The following GPHN variants were observed in gnomAD, a reference collection of about 807,000 sequenced individuals.
GPHN encodes the protein gephyrin.
Under a neutral mutation model 95.5 loss-of-function variants are expected in GPHN, and 17 were observed. That is an observed-to-expected ratio of 0.18 (90% CI 0.12 to 0.27). The LOEUF (loss-of-function observed/expected upper bound fraction) is 0.27, where lower values mean the gene tolerates loss of function less well. Among genes scored for constraint, GPHN ranks in the 10% least tolerant of loss-of-function variants. The probability of loss-of-function intolerance (pLI) is 1.00; values close to 1 mark genes in which losing one functional copy is unlikely to be tolerated. For missense variants in GPHN, 660 were observed against 978.1 expected, an observed-to-expected ratio of 0.67 and a Z score of 4.34; for synonymous variants, 320 against 322.5, an observed-to-expected ratio of 0.99 and a Z score of 0.08.
the GPHN span, among the ~76,000 whole-genome samples, chr14:67,731,213 T>A: frequency 1.4e-5 from 2 of 139,414 alleles, no homozygotes; most frequent in Admixed American, 7.1e-5. Flanking sequence ...CTTTCTTTTT[T>A]TTTTTTTTTT....
At chr14:67,280,137 T>G in the GPHN span, among the ~76,000 whole-genome samples, 1 of 152,212 alleles carries the variant, frequency 6.6e-6, no homozygotes, top group East Asian at 1.9e-4. Flanking sequence ...CTGGGCTAAA[T>G]AAGTTAAATA....
chr14:67,018,660 G>C (rs1219288508), intron 9 of GPHN, among the ~76,000 whole-genome samples: 4 of 152,078 alleles, frequency 2.6e-5, no homozygotes, highest in African/African-American at 9.7e-5. Context: ...ACCTCTCTTT[G>C]GGTTAGAAAC....
intron 2 of GPHN, among the ~76,000 whole-genome samples, chr14:66,772,138 C>A (rs55901843): frequency 0.3 from 45,930 of 151,590 alleles, 11,403 homozygotes; most frequent in African/African-American, 0.66. Flanking sequence ...GACAGATAAC[C>A]CTGTGTTGAC....
chr14:66,526,159 C>T (rs145141021), intron 1 of GPHN, among the ~76,000 whole-genome samples: 2 of 152,158 alleles, frequency 1.3e-5, no homozygotes, highest in East Asian at 1.9e-4. Flanking sequence ...CTCTTATTTC[C>T]TTGAGCAGTG....
chr14:67,344,919 T>C, the GPHN span, among the ~76,000 whole-genome samples: 4 of 146,234 alleles, frequency 2.7e-5, no homozygotes, highest in East Asian at 8.4e-4. Flanking sequence ...AAAACAAGAG[T>C]GTACCATAGC....
the GPHN span, among the ~76,000 whole-genome samples, chr14:67,669,304 CT>C: frequency 6.8e-6 from 1 of 146,726 alleles, no homozygotes; most frequent in African/African-American, 2.5e-5. Context: ...GAGTCTTGCT[CT>C]GTCACCCAGG....
At chr14:66,746,597 C>A (rs545147701) in intron 2 of GPHN, among the ~76,000 whole-genome samples, 1 of 150,368 alleles carries the variant, frequency 6.7e-6, no homozygotes, top group Admixed American at 6.6e-5. Context: ...AGTAAAAGTT[C>A]AAAACAACTT....
chr14:67,185,495 A>G (rs566761001), downstream of GPHN, among the ~76,000 whole-genome samples: 17 of 152,362 alleles, frequency 1.1e-4, no homozygotes, highest in South Asian at 8.3e-4. Context: ...GACAAATTAT[A>G]TAAGAAGCAT....
At chr14:67,724,690 G>T in the GPHN span, 13 of 948,720 alleles carry the variant, frequency 1.4e-5, no homozygotes, top group Non-Finnish European at 1.9e-5. Flanking sequence ...CCTAGGCTTG[G>T]GGGCTCTGAC....
intron 1 of GPHN, among the ~76,000 whole-genome samples, chr14:66,662,346 C>G (rs921582317): frequency 1.1e-4 from 17 of 152,140 alleles, no homozygotes; most frequent in Admixed American, 5.2e-4. Context: ...AGTTTTGCAG[C>G]CTTCACTGGT....
intron 1 of GPHN, among the ~76,000 whole-genome samples, chr14:66,640,802 A>G (rs190096658): frequency 6.6e-6 from 1 of 152,324 alleles, no homozygotes; most frequent in East Asian, 1.9e-4. Context: ...GATAAAATAT[A>G]CATGTAACCA....
chr14:67,650,566 G>C, the GPHN span: 1 of 665,016 alleles, frequency 1.5e-6, no homozygotes, highest in East Asian at 2.7e-5. Flanking sequence ...AGAGGATGAG[G>C]TGCAAGGGGC....
At chr14:67,725,488 T>C in the GPHN span, among the ~76,000 whole-genome samples, 1 of 152,236 alleles carries the variant, frequency 6.6e-6, no homozygotes, top group East Asian at 1.9e-4. Flanking sequence ...GTTAGCTCCC[T>C]GTCTGGGCTT....
intron 2 of GPHN, among the ~76,000 whole-genome samples, chr14:66,701,902 C>T (rs928520976): frequency 1.3e-5 from 2 of 152,150 alleles, no homozygotes; most frequent in Non-Finnish European, 2.9e-5. Context: ...GCTCCCTGGG[C>T]GGGGGAAGGG....
At chr14:67,645,177 CTTTT>C in the GPHN span, among the ~76,000 whole-genome samples, 2 of 143,536 alleles carry the variant, frequency 1.4e-5, no homozygotes, top group African/African-American at 2.6e-5. Flanking sequence ...ACCTAGATTT[CTTTT>C]TTTTTTTTCA....
intron 4 of GPHN, among the ~76,000 whole-genome samples, chr14:66,860,520 T>A (rs1338828155): frequency 1.3e-5 from 2 of 151,988 alleles, no homozygotes; most frequent in Admixed American, 6.6e-5. Context: ...AAAAGGATGC[T>A]AATGAGCAAT....
At chr14:66,840,333 T>A (rs2062024009) in intron 4 of GPHN, among the ~76,000 whole-genome samples, 1 of 152,112 alleles carries the variant, frequency 6.6e-6, no homozygotes, top group Admixed American at 6.6e-5. Context: ...AGTATAAGTA[T>A]ACATTCCCCC....
At chr14:67,100,138 A>G (rs925487546) in intron 12 of GPHN, among the ~76,000 whole-genome samples, 1 of 152,174 alleles carries the variant, frequency 6.6e-6, no homozygotes, top group Non-Finnish European at 1.5e-5. Context: ...AGTACTGCCT[A>G]TGTATTCTAA....
chr14:66,890,410 C>CAAA (rs781415190), intron 5 of GPHN, among the ~76,000 whole-genome samples: 3 of 79,980 alleles, frequency 3.8e-5, no homozygotes, highest in South Asian at 3.7e-4. Flanking sequence ...GACCCTGTCT[C>CAAA]AAAAAAAAAA....
Sources: gnomAD v4.1 joint callset for allele counts (sites outside exome capture counted in the v4.1 genomes callset) on GRCh38, gnomAD v4.1.1 for gene constraint, MANE v1.5 for transcripts, NCBI Gene and HGNC (gene_info 2026-07-23, HGNC 2026-07-21) for gene names.